HCN1: variants seen among roughly 807,000 people sequenced by gnomAD.
HCN1 encodes potassium/sodium hyperpolarization-activated cyclic nucleotide-gated channel 1.
A neutral mutation model predicts 78.9 loss-of-function variants in HCN1; 13 were observed. The ratio of observed to expected loss-of-function variants is 0.16; its 90% CI spans 0.11 to 0.26. The LOEUF (loss-of-function observed/expected upper bound fraction) is 0.26. Ranked by LOEUF, HCN1 falls within the 10% of genes least tolerant of loss-of-function variation. The probability of loss-of-function intolerance (pLI) is 1.00; values close to 1 mark genes in which losing one functional copy is unlikely to be tolerated. For missense variants in HCN1, 810 were observed against 1,154.3 expected (o/e 0.70, Z 4.32); for synonymous variants, 552 against 455.5 (o/e 1.21, Z -2.70).
At chr5:45,272,738 C>T (rs1266445408) in intron 6 of HCN1, among the ~76,000 whole-genome samples, 1 of 151,948 alleles carries the variant, frequency 6.6e-6, no homozygotes, top group Non-Finnish European at 1.5e-5. Flanking sequence ...AGAAAACTAT[C>T]TGGAAGATTT....
At chr5:45,642,678 A>G (rs1381592438) in intron 2 of HCN1, 1 of 152,182 alleles carries the variant, frequency 6.6e-6, no homozygotes, top group African/African-American at 2.4e-5. Context: ...AAAAGCTCAC[A>G]GAGCTACTTT....
At chr5:45,636,617 G>A (rs1332017571) in intron 2 of HCN1, among the ~76,000 whole-genome samples, 3 of 152,142 alleles carry the variant, frequency 2.0e-5, no homozygotes, top group Admixed American at 6.6e-5. Context: ...GGAGGCTGAG[G>A]TGGGAGGATA....
chr5:45,600,166 TTCTC>T (rs765475966), intron 2 of HCN1, among the ~76,000 whole-genome samples: 69 of 149,412 alleles, frequency 4.6e-4, no homozygotes, highest in South Asian at 8.4e-4. Context: ...CTTGCTTCCA[TTCTC>T]TCTCTCTCTC....
At chr5:45,451,477 C>A (rs554374730) in intron 3 of HCN1, among the ~76,000 whole-genome samples, 1 of 152,016 alleles carries the variant, frequency 6.6e-6, no homozygotes, top group African/African-American at 2.4e-5. Context: ...CTTTTCTCTT[C>A]TTTTTCCTTA....
chr5:45,311,851 C>T (rs559384711), intron 5 of HCN1, among the ~76,000 whole-genome samples: 12 of 152,250 alleles, frequency 7.9e-5, no homozygotes, highest in African/African-American at 2.9e-4. Flanking sequence ...GAATTTTCAC[C>T]CTCAAAGTTC....
chr5:45,633,678 A>G (rs1164010774), intron 2 of HCN1, among the ~76,000 whole-genome samples: 1 of 151,982 alleles, frequency 6.6e-6, no homozygotes, highest in Admixed American at 6.6e-5. Flanking sequence ...CATATGGCCA[A>G]TTAATATATG....
At chr5:45,316,035 T>A (rs1186444289) in intron 5 of HCN1, among the ~76,000 whole-genome samples, 2 of 152,014 alleles carry the variant, frequency 1.3e-5, no homozygotes, top group African/African-American at 4.8e-5. Context: ...AATCAATAGA[T>A]AAAGAGGGAA....
chr5:45,438,916 A>T (rs1441844532), intron 3 of HCN1, among the ~76,000 whole-genome samples: 1 of 152,188 alleles, frequency 6.6e-6, no homozygotes, highest in Admixed American at 6.5e-5. Flanking sequence ...CTATAGAAAG[A>T]GTATGGATTT....
At chr5:45,422,072 C>T (rs1021792132) in intron 3 of HCN1, among the ~76,000 whole-genome samples, 2 of 152,148 alleles carry the variant, frequency 1.3e-5, no homozygotes, top group African/African-American at 2.4e-5. Context: ...ATATATAACC[C>T]TCACATATAA....
rs1739562815 is a variant in HCN1, at chr5:45,391,687, A to T, written c.1230+4805T>A. On this transcript the variant is annotated intron_variant, in intron 4 of 7. Transcript: ENST00000303230. ...AGACTAAGAAATGGCTTCAAATCTG[A>T]TGAGAGGCACTTTGATAATATGCCT... Among the ~76,000 whole-genome samples the T allele has an allele frequency of 2.6e-5, 4 of 152,124 alleles. No individual in the cohort carries two copies. The South Asian group carries it at 6.2e-4, about 24-fold the overall frequency.
At position 45,338,724 on chromosome 5, in the gene HCN1, A is replaced by AT. The variant is rs1039592649; in HGVS notation, c.1377+14375dup. On this transcript the variant is annotated intron_variant, in intron 5 of 7. Transcript: ENST00000303230. The stretch of plus-strand genomic sequence containing the variant: ...TGATATATTTTACTGCTTTTTAGAC[A>AT]TTTTTTGTAATCTATCACTGTGACT... Among the ~76,000 whole-genome samples the AT allele has an allele frequency of 1.1e-4, 17 of 152,244 alleles. 1 individual carries two copies. The highest frequency in any genetic ancestry group is 7.9e-4 in the Admixed American group (12 of 15,286).
intron 6 of HCN1, among the ~76,000 whole-genome samples, chr5:45,275,296 C>A (rs996459301): frequency 1.3e-5 from 2 of 151,194 alleles, no homozygotes; most frequent in Non-Finnish European, 2.9e-5. Flanking sequence ...CTGAAAATGG[C>A]TTACATCAGA....
At chr5:45,345,233 A>T (rs1746676516) in intron 5 of HCN1, among the ~76,000 whole-genome samples, 1 of 152,188 alleles carries the variant, frequency 6.6e-6, no homozygotes, top group Non-Finnish European at 1.5e-5. Flanking sequence ...GGCTGCACAC[A>T]GCAGGCAGCC....
chr5:45,550,664 G>A (rs1743348216), intron 2 of HCN1, among the ~76,000 whole-genome samples: 4 of 151,554 alleles, frequency 2.6e-5, no homozygotes, highest in Admixed American at 2.6e-4. Flanking sequence ...AAAGGTAATG[G>A]ATGAGTTTTT....
Position 45,598,236 on chromosome 5 carries a change from C to G in HCN1, c.849+46949G>C, listed in dbSNP as rs1361995758. 5.3e-5 allele frequency among the ~76,000 whole-genome samples: 8 copies of G among 152,098 alleles called. No individual in the cohort carries two copies. The South Asian group carries it at 1.7e-3, about 32-fold the overall frequency. On this transcript the variant is annotated intron_variant, in intron 2 of 7. Transcript: ENST00000303230. ...AATAGATATATAGACCAATGGAACA[C>G]AACAGAGGCCTCAGAAATAAGACCA...
chr5:45,399,789 A>T (rs1262834285), intron 3 of HCN1, among the ~76,000 whole-genome samples: 1 of 152,180 alleles, frequency 6.6e-6, no homozygotes, highest in Admixed American at 6.5e-5. Context: ...TTATTTAATT[A>T]TAATAAAAGT....
At chr5:45,335,126 C>T (rs1453418000) in intron 5 of HCN1, among the ~76,000 whole-genome samples, 2 of 151,986 alleles carry the variant, frequency 1.3e-5, no homozygotes, top group Non-Finnish European at 2.9e-5. Flanking sequence ...CATGGCTCTT[C>T]ACAATCCATT....
intron 2 of HCN1, among the ~76,000 whole-genome samples, chr5:45,596,934 G>C (rs891679497): frequency 2.0e-5 from 3 of 152,118 alleles, no homozygotes; most frequent in African/African-American, 7.2e-5. Context: ...AAAATAAACA[G>C]TACATTTATC....
intron 1 of HCN1, among the ~76,000 whole-genome samples, chr5:45,688,353 C>A (rs561342662): frequency 6.6e-6 from 1 of 152,162 alleles, no homozygotes; most frequent in African/African-American, 2.4e-5. Flanking sequence ...TTCTTACTAT[C>A]TATCTATGTC....
Sources: allele counts gnomAD v4.1 joint callset (sites outside exome capture counted in the v4.1 genomes callset), GRCh38; gene constraint gnomAD v4.1.1; transcripts MANE v1.5; gene names NCBI Gene and HGNC (gene_info 2026-07-23, HGNC 2026-07-21).